Variants in SYNRG observed in about 807,000 individuals in gnomAD.
SYNRG encodes the protein AP1 gamma subunit binding protein 1.
In SYNRG, 37 loss-of-function variants were observed where a neutral mutation model predicts 130.9. That is an observed-to-expected ratio of 0.28 (90% CI 0.22 to 0.37). The LOEUF (loss-of-function observed/expected upper bound fraction) is 0.37. Among genes scored for constraint, SYNRG ranks in the 10% least tolerant of loss-of-function variants. SYNRG has a pLI of 1.00. For missense variants in SYNRG, 1,338 were observed against 1,588.9 expected, an observed-to-expected ratio of 0.84 and a Z score of 2.68; for synonymous variants, 539 against 568.1, an observed-to-expected ratio of 0.95 and a Z score of 0.73.
intron 19 of SYNRG, among the ~76,000 whole-genome samples, chr17:37,524,587 T>G (rs2055593454): frequency 6.6e-6 from 1 of 152,254 alleles, no homozygotes; most frequent in Admixed American, 6.5e-5. Context: ...TATTTTTTCT[T>G]TTCTCTCTTT....
At chr17:37,560,007 C>T (rs1353758543) in intron 13 of SYNRG, among the ~76,000 whole-genome samples, 1 of 152,112 alleles carries the variant, frequency 6.6e-6, no homozygotes, top group African/African-American at 2.4e-5. Context: ...AAGCAATCCT[C>T]CCACCTCAGC....
chr17:37,609,034 T>C (rs2064126144), intron 1 of SYNRG, among the ~76,000 whole-genome samples: 1 of 70,506 alleles, frequency 1.4e-5, no homozygotes, highest in South Asian at 5.2e-4. Flanking sequence ...CCTCCCACAC[T>C]GGGCGCGCGC....
Position 37,586,706 on chromosome 17 carries a change from T to A in SYNRG, c.241-157A>T, listed in dbSNP as rs59650365. Among the ~76,000 whole-genome samples, 28,866 of 152,148 alleles carry A rather than the reference T, an allele frequency of 0.19. 2,783 individuals carry two copies. The highest frequency in any genetic ancestry group is 0.29 in the Middle Eastern group (86 of 294). On this transcript the variant is annotated intron_variant, in intron 3 of 21. Coordinates refer to ENST00000612223, the MANE Select transcript of SYNRG (RefSeq NM_007247.6). ...TGCAAAGATGCAAATAAATAAAAGA[T>A]GCAAATATACAAAGAAATATATTAT...
intron 16 of SYNRG, 39 bp from the exon 17 acceptor site, chr17:37,539,284 AC>A: frequency 1.9e-6 from 3 of 1,601,732 alleles, no homozygotes; most frequent in Non-Finnish European, 2.6e-6. Context: ...AAACACACAA[AC>A]CTGGAATCTT....
chr17:37,594,193 A>C (rs1023752466), intron 3 of SYNRG, among the ~76,000 whole-genome samples: 3 of 122,200 alleles, frequency 2.5e-5, no homozygotes, highest in Non-Finnish European at 5.0e-5. Context: ...TAATTATTTT[A>C]ATTATATTAA....
chr17:37,601,378 T>C (rs1390857985), intron 1 of SYNRG, among the ~76,000 whole-genome samples: 2 of 152,152 alleles, frequency 1.3e-5, no homozygotes, highest in Non-Finnish European at 2.9e-5. Flanking sequence ...CAAGGGCCTT[T>C]AAAATGTTTC....
chr17:37,520,828 A>G (rs1394115808), intron 19 of SYNRG, among the ~76,000 whole-genome samples, 180 bp from the exon 20 acceptor site: 11 of 152,062 alleles, frequency 7.2e-5, no homozygotes, highest in Non-Finnish European at 1.5e-4. Context: ...GGTGCTAGGA[A>G]GGCCGGCACC....
At chr17:37,591,553 C>T (rs542092145) in intron 3 of SYNRG, among the ~76,000 whole-genome samples, 3 of 152,298 alleles carry the variant, frequency 2.0e-5, no homozygotes, top group East Asian at 1.9e-4. Context: ...TCAACCTTAT[C>T]GTATAGCTAC....
chr17:37,597,749 T>A (rs2062905562), intron 2 of SYNRG, among the ~76,000 whole-genome samples: 1 of 152,246 alleles, frequency 6.6e-6, no homozygotes, highest in African/African-American at 2.4e-5. Flanking sequence ...TACTAAATGC[T>A]TATTATATGC....
intron 3 of SYNRG, among the ~76,000 whole-genome samples, chr17:37,595,911 C>T (rs754643133): frequency 1.2e-4 from 19 of 152,034 alleles, no homozygotes; most frequent in African/African-American, 2.7e-4. Context: ...CATGCCACCA[C>T]GCCCAGGTAA....
chr17:37,571,944 T>C lies in SYNRG; in HGVS notation c.945A>G (p.Gly315=), dbSNP rs1161558226. 1 of 1,614,046 alleles carries C rather than the reference T, an allele frequency of 6.2e-7. No individual in the cohort carries two copies. Among genetic ancestry groups the C allele is most frequent in the Non-Finnish European group, 8.5e-7 (1 of 1,180,038 alleles). The part of the protein sequence containing the change: ...KILETTMTPT[G]IDTAKLYPIL... Reference sequence around the variant, plus strand: ...TGGGATACAGTTTGGCAGTATCTATTCCAGTTGGAGTCATTGTGGTTTCTA... The same window carrying C: ...TGGGATACAGTTTGGCAGTATCTATCCCAGTTGGAGTCATTGTGGTTTCTA... Residue 315 remains glycine, a synonymous_variant, in exon 9 of 22, where the codon GGA becomes GGG. Coordinates refer to ENST00000612223, the MANE Select transcript of SYNRG (RefSeq NM_007247.6).
At chr17:37,520,752 T>C in intron 19 of SYNRG, 104 bp from the exon 20 acceptor site, 1 of 833,988 alleles carries the variant, frequency 1.2e-6, no homozygotes, top group Non-Finnish European at 2.0e-6. Flanking sequence ...GCAAGTACAG[T>C]ACTCTAACAC....
At chr17:37,567,569 A>G (rs1026229961) in intron 11 of SYNRG, 2 of 152,244 alleles carry the variant, frequency 1.3e-5, no homozygotes, top group Non-Finnish European at 2.9e-5. Context: ...TGGAAATACC[A>G]GCACTCTATG....
intron 13 of SYNRG, among the ~76,000 whole-genome samples, chr17:37,558,767 G>A (rs112448325): frequency 2.0e-5 from 3 of 152,258 alleles, no homozygotes; most frequent in East Asian, 1.9e-4. Flanking sequence ...GCGTCTTGAC[G>A]TCTGTATCCT....
At chr17:37,553,080 A>C (rs934187335) in intron 14 of SYNRG, 35 bp downstream of exon 14, 3 of 1,584,562 alleles carry the variant, frequency 1.9e-6, no homozygotes, top group African/African-American at 2.7e-5. Context: ...GAAATCTACA[A>C]CACCATCACC....
intron 13 of SYNRG, among the ~76,000 whole-genome samples, chr17:37,557,717 A>C (rs2059220616): frequency 6.6e-6 from 1 of 152,138 alleles, no homozygotes; most frequent in Non-Finnish European, 1.5e-5. Flanking sequence ...CACTGTGGTG[A>C]TGCACATCTA....
intron 6 of SYNRG, chr17:37,579,540 G>A: frequency 1.1e-6 from 1 of 884,330 alleles, no homozygotes; most frequent in Non-Finnish European, 1.5e-6. Context: ...AACATAAATA[G>A]TGGAGGTGAA....
chr17:37,560,893 G>A (rs2059476977), intron 13 of SYNRG, among the ~76,000 whole-genome samples: 1 of 152,120 alleles, frequency 6.6e-6, no homozygotes, highest in Admixed American at 6.6e-5. Context: ...TCAAACTCCT[G>A]ACCTCAGGTG....
At chr17:37,534,874 C>T (rs2057037590) in intron 19 of SYNRG, among the ~76,000 whole-genome samples, 1 of 151,118 alleles carries the variant, frequency 6.6e-6, no homozygotes, top group Admixed American at 6.6e-5. Context: ...GCTGCAATCC[C>T]ATTCAGATGG....
Sources: allele counts gnomAD v4.1 joint callset (sites outside exome capture counted in the v4.1 genomes callset), GRCh38; gene constraint gnomAD v4.1.1; transcripts MANE v1.5; gene names NCBI Gene and HGNC (gene_info 2026-07-23, HGNC 2026-07-21).